CHN1: variants seen among roughly 807,000 people sequenced by gnomAD.
CHN1 encodes the protein N-chimaerin.
Under a neutral mutation model 59.5 loss-of-function variants are expected in CHN1, and 37 were observed. The observed-to-expected ratio is 0.62, with a 90% CI of 0.48 to 0.82. CHN1 has a LOEUF of 0.82. CHN1 is among the 40% of genes least tolerant of loss of function. The pLI, the probability that CHN1 is intolerant of heterozygous loss-of-function variation, is 0.00. For synonymous variants in CHN1, 206 were observed against 200.4 expected (o/e 1.03, Z -0.24); for missense variants, 469 against 571.0 (o/e 0.82, Z 1.82).
intron 1 of CHN1, among the ~76,000 whole-genome samples, chr2:174,954,860 C>G (rs992433858): frequency 6.6e-6 from 1 of 152,034 alleles, no homozygotes; most frequent in African/African-American, 2.4e-5. Context: ...CTAGTACAAT[C>G]ACTATGGAAA....
At chr2:174,964,416 C>CA (rs1690531614) in intron 1 of CHN1, among the ~76,000 whole-genome samples, 1 of 151,946 alleles carries the variant, frequency 6.6e-6, no homozygotes, top group Admixed American at 6.5e-5. Flanking sequence ...CTATTAAAAA[C>CA]AAAAAAGTGT....
At chr2:174,888,220 A>C (rs191323588) in intron 5 of CHN1, among the ~76,000 whole-genome samples, 5 of 152,228 alleles carry the variant, frequency 3.3e-5, no homozygotes, top group Non-Finnish European at 7.3e-5. Flanking sequence ...ACCTGGCAGC[A>C]AACAGTTATT....
intron 5 of CHN1, among the ~76,000 whole-genome samples, chr2:174,908,254 G>A (rs1320711217): frequency 6.6e-6 from 1 of 152,144 alleles, no homozygotes; most frequent in Non-Finnish European, 1.5e-5. Context: ...TAAGGATACA[G>A]AAGCCCTTTT....
At chr2:174,837,820 A>T (rs1415331274) in intron 7 of CHN1, among the ~76,000 whole-genome samples, 1 of 152,132 alleles carries the variant, frequency 6.6e-6, no homozygotes, top group Non-Finnish European at 1.5e-5. Flanking sequence ...TCACGTTTTC[A>T]TTTATTTTTT....
intron 3 of CHN1, among the ~76,000 whole-genome samples, chr2:174,928,423 A>G (rs1452762130): frequency 6.6e-6 from 1 of 152,230 alleles, no homozygotes; most frequent in Non-Finnish European, 1.5e-5. Flanking sequence ...GAAAATCATG[A>G]CTCATACAGA....
chr2:174,888,745 G>A (rs1458389038), intron 5 of CHN1, among the ~76,000 whole-genome samples: 1 of 152,208 alleles, frequency 6.6e-6, no homozygotes, highest in Admixed American at 6.5e-5. Context: ...GAGAGCAGTG[G>A]GGAGAAGAGT....
At chr2:174,805,585 G>A (rs1028879886) in intron 11 of CHN1, among the ~76,000 whole-genome samples, 4 of 152,182 alleles carry the variant, frequency 2.6e-5, no homozygotes, top group Non-Finnish European at 5.9e-5. Context: ...GGAATCAGAG[G>A]AGAAAGATGG....
chr2:174,958,351 T>C (rs1273409904), intron 1 of CHN1, among the ~76,000 whole-genome samples: 1 of 152,196 alleles, frequency 6.6e-6, no homozygotes, highest in Non-Finnish European at 1.5e-5. Flanking sequence ...GTGAGTTCTG[T>C]TGAGTCCTTC....
intron 1 of CHN1, among the ~76,000 whole-genome samples, chr2:174,987,761 G>A (rs1691397162): frequency 6.6e-6 from 1 of 152,100 alleles, no homozygotes; most frequent in Admixed American, 6.6e-5. Flanking sequence ...ACAGAGGTAA[G>A]TAAGGAGAAA....
At chr2:174,802,331 T>G (rs1422795906) in intron 11 of CHN1, among the ~76,000 whole-genome samples, 1 of 152,368 alleles carries the variant, frequency 6.6e-6, no homozygotes, top group East Asian at 1.9e-4. Context: ...AACCAAAACA[T>G]GTACCATCCA....
At chr2:174,831,896 A>G (rs1413126520) in intron 7 of CHN1, among the ~76,000 whole-genome samples, 1 of 152,154 alleles carries the variant, frequency 6.6e-6, no homozygotes. Flanking sequence ...TAGGTACAAT[A>G]GGAAAATAAA....
intron 3 of CHN1, among the ~76,000 whole-genome samples, chr2:174,934,920 CA>C (rs1689454082): frequency 6.6e-6 from 1 of 152,184 alleles, no homozygotes; most frequent in Non-Finnish European, 1.5e-5. Flanking sequence ...TCACTTATCA[CA>C]AGGACTACTG....
At chr2:174,883,826 A>G (rs906844686) in intron 5 of CHN1, among the ~76,000 whole-genome samples, 1 of 152,182 alleles carries the variant, frequency 6.6e-6, no homozygotes, top group African/African-American at 2.4e-5. Context: ...ATATAGAAAA[A>G]TAAGTAGAAA....
At chr2:174,958,438 T>A (rs928639676) in intron 1 of CHN1, among the ~76,000 whole-genome samples, 3 of 152,142 alleles carry the variant, frequency 2.0e-5, no homozygotes, top group African/African-American at 7.2e-5. Context: ...GTGAGGGAAG[T>A]CTTGGAGATT....
chr2:174,807,215 C>T (rs1298418277), intron 11 of CHN1, among the ~76,000 whole-genome samples: 1 of 152,110 alleles, frequency 6.6e-6, no homozygotes, highest in Non-Finnish European at 1.5e-5. Flanking sequence ...ACAAAGGCCT[C>T]GAAGTCCAAG....
At chr2:174,900,269 T>C (rs558044191) in intron 5 of CHN1, among the ~76,000 whole-genome samples, 11 of 152,024 alleles carry the variant, frequency 7.2e-5, no homozygotes, top group East Asian at 1.9e-4. Flanking sequence ...GAAGGGAGGA[T>C]TGCTTCTCGG....
At chr2:174,942,196 G>T (rs748500895) in intron 3 of CHN1, among the ~76,000 whole-genome samples, 1 of 152,140 alleles carries the variant, frequency 6.6e-6, no homozygotes, top group Non-Finnish European at 1.5e-5. Flanking sequence ...ATGTCAAAGA[G>T]GTGTCTGTGT....
At chr2:174,818,833 A>G (rs1054139230) in intron 8 of CHN1, among the ~76,000 whole-genome samples, 2 of 152,196 alleles carry the variant, frequency 1.3e-5, no homozygotes, top group Non-Finnish European at 1.5e-5. Flanking sequence ...GCTAAAACAC[A>G]GGTTTTATAT....
chr2:174,991,696 T>C (rs1480812396), intron 1 of CHN1, among the ~76,000 whole-genome samples: 2 of 152,026 alleles, frequency 1.3e-5, no homozygotes, highest in Non-Finnish European at 2.9e-5. Context: ...ATATAAGAGA[T>C]CTGGAAATGT....
Sources: allele counts gnomAD v4.1 joint callset (sites outside exome capture counted in the v4.1 genomes callset), GRCh38; gene constraint gnomAD v4.1.1; transcripts MANE v1.5; gene names NCBI Gene and HGNC (gene_info 2026-07-23, HGNC 2026-07-21).